The following PIGU variants were observed in gnomAD, a reference collection of about 807,000 sequenced individuals.
The protein encoded by PIGU is GPI-anchor transamidase component PIGU.
A neutral mutation model predicts 49.9 loss-of-function variants in PIGU; 24 were observed. That is an observed-to-expected ratio of 0.48 (90% confidence interval 0.35 to 0.68). PIGU has a LOEUF of 0.68. Ranked by LOEUF, PIGU falls within the 30% of genes least tolerant of loss-of-function variation. The probability of loss-of-function intolerance (pLI) is 0.01; values close to 1 mark genes in which losing one functional copy is unlikely to be tolerated. For missense variants in PIGU, 490 were observed against 532.6 expected (o/e 0.92, Z 0.79); for synonymous variants, 220 against 205.7 (o/e 1.07, Z -0.59).
In PIGU at chr20:34,574,737, G is replaced by A. The variant is rs567853472; in HGVS notation, c.1194+367C>T. Among the ~76,000 whole-genome samples the A allele has an allele frequency of 2.6e-5, 4 of 152,198 alleles. No homozygotes were observed. The South Asian group carries it at 8.3e-4, about 32-fold the overall frequency. On this transcript the variant is annotated intron_variant, in intron 11 of 11. Coordinates refer to ENST00000217446, the MANE Select transcript of PIGU (RefSeq NM_080476.5). ...ACCACAGGCACCATTACAGAAAGGG[G>A]TGCCTCAGAAATCAAGCCTTATGTG...
Position 34,654,560 on chromosome 20 carries a change from G to C in PIGU, c.195+2620C>G, listed in dbSNP as rs1324426606. Among the ~76,000 whole-genome samples, 3 of 117,734 alleles carry C rather than the reference G, an allele frequency of 2.5e-5. 1 individual carries two copies. Among genetic ancestry groups the C allele is most frequent in the Non-Finnish European group, 5.4e-5 (3 of 55,654 alleles). 77.2% of individuals were successfully genotyped at this position (117,734 alleles called of 152,430 possible). ...AGTTCTTGTTATTGCAGTTTGATTAGATATTAACCCAGAGATAATAAAATT... is the reference window on the plus strand; with the variant it reads ...AGTTCTTGTTATTGCAGTTTGATTACATATTAACCCAGAGATAATAAAATT... On this transcript the variant is annotated intron_variant, in intron 2 of 11. Transcript: ENST00000217446.
chr20:34,578,322 T>C (rs926065012), intron 10 of PIGU, among the ~76,000 whole-genome samples: 1 of 152,166 alleles, frequency 6.6e-6, no homozygotes, highest in African/African-American at 2.4e-5. Context: ...ACGTTTTCAC[T>C]GAGAATTACT....
Position 34,588,524 on chromosome 20 carries a change from T to C in PIGU, c.711A>G (p.Leu237=), listed in dbSNP as rs1983797085. The C allele has an allele frequency of 6.2e-7, 1 of 1,613,780 alleles. No individual in the cohort carries two copies. The highest frequency in any genetic ancestry group is 8.5e-7 in the Non-Finnish European group (1 of 1,179,652). Residue 237 remains leucine, a synonymous_variant, in exon 8 of 12, where the codon CTA becomes CTG. Coordinates refer to ENST00000217446, the MANE Select transcript of PIGU (RefSeq NM_080476.5). ...WEYAMMYVGS[L]VVIICLSFFL... ...AGAAGGAGAGGCAAATGATTACCAC[T>C]AGGCTTCCCACATACATCATGGCAT...
chr20:34,664,537 A>G (rs559722912), intron 1 of PIGU, among the ~76,000 whole-genome samples: 3 of 152,122 alleles, frequency 2.0e-5, no homozygotes, highest in African/African-American at 7.2e-5. Flanking sequence ...TGTCTTTACT[A>G]AAAATACAAA....
intron 7 of PIGU, among the ~76,000 whole-genome samples, chr20:34,593,879 TCAAA>T (rs1300365262): frequency 7.2e-6 from 1 of 138,282 alleles, no homozygotes; most frequent in South Asian, 2.3e-4. Flanking sequence ...AGACCCTGCC[TCAAA>T]CAAACAAAAA....
rs532365077 is a variant in PIGU at position 34,600,027 on chromosome 20, A to C, written c.628-11420T>G. The stretch of plus-strand genomic sequence containing the variant: ...TCTGCACTGACAATACAGACACAGA[A>C]CATTTCCATGGTCACAAAAAGTTCT... On this transcript the variant is annotated intron_variant, in intron 7 of 11. Transcript: ENST00000217446. 4.6e-5 allele frequency among the ~76,000 whole-genome samples: 7 copies of C among 152,328 alleles called. No homozygotes were observed. The South Asian group carries it at 1.4e-3, about 32-fold the overall frequency.
At chr20:34,676,672 C>T (rs780581358) in intron 1 of PIGU, among the ~76,000 whole-genome samples, 2 of 152,176 alleles carry the variant, frequency 1.3e-5, no homozygotes, top group Non-Finnish European at 2.9e-5. Flanking sequence ...GACCACACTC[C>T]TCGGCTCAGG....
chr20:34,657,482 C>T (rs1008385566), intron 1 of PIGU, among the ~76,000 whole-genome samples: 1 of 152,180 alleles, frequency 6.6e-6, no homozygotes, highest in Non-Finnish European at 1.5e-5. Context: ...AAACTATCTG[C>T]TTCCTTTTAG....
chr20:34,610,822 C>T (rs1327628875), intron 7 of PIGU, among the ~76,000 whole-genome samples: 1 of 152,064 alleles, frequency 6.6e-6, no homozygotes, highest in Non-Finnish European at 1.5e-5. Context: ...AAGGCTACAG[C>T]ACCCAAAACA....
At chr20:34,674,964 AG>A (rs1250775743) in intron 1 of PIGU, among the ~76,000 whole-genome samples, 8 of 125,522 alleles carry the variant, frequency 6.4e-5, no homozygotes, top group South Asian at 2.6e-4. Flanking sequence ...AAAAAAAAAA[AG>A]AGGCCAGGCA....
At chr20:34,662,184 C>T (rs1346187191) in intron 1 of PIGU, among the ~76,000 whole-genome samples, 1 of 152,032 alleles carries the variant, frequency 6.6e-6, no homozygotes, top group Non-Finnish European at 1.5e-5. Context: ...TCGATCCTCC[C>T]ACCTCAGCCT....
intron 11 of PIGU, 117 bp from the exon 12 acceptor site, chr20:34,561,096 A>ACAAT (rs1338831978): frequency 1.4e-5 from 10 of 701,754 alleles, no homozygotes; most frequent in South Asian, 1.8e-5. Context: ...GCTCTGGATC[A>ACAAT]CAATCACTGG....
chr20:34,600,914 A>C (rs1386265214), intron 7 of PIGU, among the ~76,000 whole-genome samples: 2 of 152,112 alleles, frequency 1.3e-5, no homozygotes, highest in Non-Finnish European at 2.9e-5. Context: ...CATGCCTGTA[A>C]TCCCAGCTAT....
At chr20:34,670,138 T>C (rs1412098905) in intron 1 of PIGU, among the ~76,000 whole-genome samples, 2 of 151,642 alleles carry the variant, frequency 1.3e-5, no homozygotes, top group Non-Finnish European at 2.9e-5. Context: ...TAATTCACCA[T>C]AGAATACATT....
At chr20:34,653,577 G>A (rs1986610188) in intron 2 of PIGU, among the ~76,000 whole-genome samples, 2 of 152,162 alleles carry the variant, frequency 1.3e-5, no homozygotes, top group African/African-American at 2.4e-5. Context: ...GCCAGGCACT[G>A]TGTCTTGTTT....
At chr20:34,661,725 T>C (rs1986932789) in intron 1 of PIGU, among the ~76,000 whole-genome samples, 1 of 152,160 alleles carries the variant, frequency 6.6e-6, no homozygotes, top group South Asian at 2.1e-4. Flanking sequence ...CCTTTAGGTA[T>C]ATACCTAGTA....
At chr20:34,644,068 A>T in intron 4 of PIGU, 96 bp downstream of exon 4, 1 of 1,175,232 alleles carries the variant, frequency 8.5e-7, no homozygotes, top group Non-Finnish European at 1.3e-6. Context: ...CTAGCACTTT[A>T]AAGCATCTGG....
intron 6 of PIGU, 87 bp from the exon 7 acceptor site, chr20:34,616,226 A>T: frequency 4.9e-6 from 7 of 1,424,430 alleles, no homozygotes; most frequent in Non-Finnish European, 6.6e-6. Context: ...AAAACTTTCC[A>T]TAACTGCTCA....
intron 6 of PIGU, among the ~76,000 whole-genome samples, chr20:34,632,528 C>T (rs929733536): frequency 2.0e-5 from 3 of 152,018 alleles, no homozygotes; most frequent in Non-Finnish European, 4.4e-5. Flanking sequence ...CCACCACGCC[C>T]AGCTAATTTT....
Sources: gnomAD v4.1 joint callset for allele counts (sites outside exome capture counted in the v4.1 genomes callset) on GRCh38, gnomAD v4.1.1 for gene constraint, MANE v1.5 for transcripts, NCBI Gene and HGNC (gene_info 2026-07-23, HGNC 2026-07-21) for gene names.